ATRNL1: variants seen among roughly 807,000 people sequenced by gnomAD.
ATRNL1 encodes the protein attractin-like protein 1.
A neutral mutation model predicts 182.7 loss-of-function variants in ATRNL1; 95 were observed. The ratio of observed to expected loss-of-function variants is 0.52; its 90% CI spans 0.44 to 0.62. The LOEUF is 0.62. ATRNL1 is among the 20% of genes least tolerant of loss of function. The pLI is 0.00. For synonymous variants in ATRNL1, 576 were observed against 568.3 expected (o/e 1.01, Z -0.19); for missense variants, 1,471 against 1,679.5 (o/e 0.88, Z 2.17).
intron 21 of ATRNL1, among the ~76,000 whole-genome samples, chr10:115,454,890 C>A (rs1554968381): frequency 6.6e-6 from 1 of 151,992 alleles, no homozygotes; most frequent in Non-Finnish European, 1.5e-5. Context: ...GATACCTTTT[C>A]TTTTTCTTGC....
chr10:115,727,679 A>G (rs1477983245), intron 27 of ATRNL1, among the ~76,000 whole-genome samples: 1 of 152,176 alleles, frequency 6.6e-6, no homozygotes, highest in East Asian at 1.9e-4. Flanking sequence ...TCTTTGGAGT[A>G]CTCTGTGCAC....
intron 5 of ATRNL1, among the ~76,000 whole-genome samples, chr10:115,153,919 C>T (rs1434700949): frequency 6.6e-6 from 1 of 151,648 alleles, no homozygotes; most frequent in Non-Finnish European, 1.5e-5. Flanking sequence ...TGTCTTTGTT[C>T]TCATTGGTTT....
chr10:115,908,719 C>G lies in ATRNL1; in HGVS notation c.4019-35939C>G, dbSNP rs182870421. ...TTCTCAGGGCACCTAAGCTGCTGCC[C>G]AGCACACACTGTTAGTTATTCTCAG... On this transcript the variant is annotated intron_variant, in intron 28 of 28. Coordinates refer to ENST00000355044, the MANE Select transcript of ATRNL1 (RefSeq NM_207303.4). Among the ~76,000 whole-genome samples the G allele has an allele frequency of 7.2e-5, 11 of 152,292 alleles. No homozygotes were observed. In the East Asian group the frequency reaches 1.9e-3, roughly 27 times the overall value.
chr10:115,707,601 A>G (rs1376781225), intron 26 of ATRNL1, among the ~76,000 whole-genome samples: 1 of 151,658 alleles, frequency 6.6e-6, no homozygotes, highest in Non-Finnish European at 1.5e-5. Flanking sequence ...GCATTTACCT[A>G]TACATATATA....
intron 26 of ATRNL1, among the ~76,000 whole-genome samples, chr10:115,661,601 ATT>A (rs1565261019): frequency 6.6e-6 from 1 of 151,934 alleles, no homozygotes; most frequent in Non-Finnish European, 1.5e-5. Flanking sequence ...TTTTTTATTG[ATT>A]GATTATATTT....
intron 7 of ATRNL1, among the ~76,000 whole-genome samples, chr10:115,167,131 C>T (rs1387128778): frequency 6.6e-6 from 1 of 151,862 alleles, no homozygotes; most frequent in African/African-American, 2.4e-5. Flanking sequence ...GTTTCCCCAA[C>T]ATCGTTTGTT....
At chr10:115,199,393 C>A in intron 8 of ATRNL1, among the ~76,000 whole-genome samples, 1 of 151,822 alleles carries the variant, frequency 6.6e-6, no homozygotes, top group Admixed American at 6.6e-5. Context: ...GGTGAAACCC[C>A]ATCTCTACTA....
At chr10:115,534,953 T>G (rs1851871162) in intron 25 of ATRNL1, among the ~76,000 whole-genome samples, 1 of 152,246 alleles carries the variant, frequency 6.6e-6, no homozygotes, top group South Asian at 2.1e-4. Context: ...TATTCTGGCT[T>G]GTAGAGTTTC....
chr10:115,385,619 G>C (rs532068580), intron 19 of ATRNL1, among the ~76,000 whole-genome samples: 1 of 151,836 alleles, frequency 6.6e-6, no homozygotes, highest in Non-Finnish European at 1.5e-5. Context: ...TATCACGTAC[G>C]TGAAATCTTT....
intron 9 of ATRNL1, among the ~76,000 whole-genome samples, chr10:115,223,985 G>A (rs12781253): frequency 3.0e-5 from 4 of 135,518 alleles, no homozygotes; most frequent in African/African-American, 1.1e-4. Flanking sequence ...ACCCAGCCTG[G>A]AGTGCAGTGA....
At chr10:115,875,374 T>C (rs1489203991) in intron 28 of ATRNL1, among the ~76,000 whole-genome samples, 3 of 152,120 alleles carry the variant, frequency 2.0e-5, no homozygotes, top group African/African-American at 4.8e-5. Flanking sequence ...ATTGCCCAAT[T>C]TGGGGAGGCA....
chr10:115,094,949 C>T (rs916581971), intron 1 of ATRNL1, among the ~76,000 whole-genome samples: 2 of 152,220 alleles, frequency 1.3e-5, no homozygotes, highest in East Asian at 1.9e-4. Context: ...AGCTTTTGTG[C>T]GGGAACATCG....
At chr10:115,133,091 C>A (rs369340469) in intron 5 of ATRNL1, among the ~76,000 whole-genome samples, 1 of 152,154 alleles carries the variant, frequency 6.6e-6, no homozygotes, top group Non-Finnish European at 1.5e-5. Flanking sequence ...TTTAATTTAT[C>A]TTGAATTATT....
At chr10:115,480,207 A>AACACACACACACACACACAC (rs72119794) in intron 24 of ATRNL1, among the ~76,000 whole-genome samples, 69 of 146,750 alleles carry the variant, frequency 4.7e-4, no homozygotes, top group African/African-American at 1.6e-3. Context: ...GAGTCATTTG[A>AACACACACACACACACACAC]ACACACACAC....
chr10:115,847,861 G>A lies in ATRNL1; in HGVS notation c.3904-16G>A. 1.3e-6 allele frequency: 2 copies of A among 1,496,038 alleles called. No individual in the cohort carries two copies. Among genetic ancestry groups the A allele is most frequent in the Non-Finnish European group, 9.3e-7 (1 of 1,073,160 alleles). 92.7% of individuals were successfully genotyped at this position (1,496,038 alleles called of 1,614,324 possible). A position where few individuals can be genotyped will look rare whatever the true frequency, so the allele number is the denominator to read the frequency against. ...TATGTCAATTTTGCAAACTTAAAGTGGGTTTTCTTTTTCAGGGGGCACCCA... is the reference window on the plus strand; with the variant it reads ...TATGTCAATTTTGCAAACTTAAAGTAGGTTTTCTTTTTCAGGGGGCACCCA... On this transcript the variant is annotated splice_polypyrimidine_tract_variant and intron_variant, in intron 27 of 28. Transcript: ENST00000355044.
Position 115,822,568 on chromosome 10 carries a change from A to G in ATRNL1, c.3904-25309A>G, listed in dbSNP as rs575216920. ...TAAAGAAGAAAGGAGAGAAGAATCA[A>G]ACAGACACAATAAAAAATGATAAAG... On this transcript the variant is annotated intron_variant, in intron 27 of 28. Coordinates refer to ENST00000355044, the MANE Select transcript of ATRNL1 (RefSeq NM_207303.4). 3.4e-5 allele frequency among the ~76,000 whole-genome samples: 5 copies of G among 149,076 alleles called. No individual in the cohort carries two copies. The South Asian group carries it at 8.6e-4, about 25-fold the overall frequency.
At chr10:115,940,701 T>A (rs972714226) in intron 28 of ATRNL1, among the ~76,000 whole-genome samples, 4 of 101,196 alleles carry the variant, frequency 4.0e-5, no homozygotes, top group Non-Finnish European at 7.3e-5. Context: ...CTCTCTCTTC[T>A]CTCTCTCTCT....
At chr10:115,127,507 G>A (rs2143686297) in intron 3 of ATRNL1, 86 bp from the exon 4 acceptor site, 1 of 1,128,158 alleles carries the variant, frequency 8.9e-7, no homozygotes, top group South Asian at 1.6e-5. Flanking sequence ...TACTGATCCT[G>A]GTAAGAATAT....
rs1386048939 is a variant in ATRNL1 at position 115,344,665 on chromosome 10, C to T, written c.3175+10246C>T. On this transcript the variant is annotated intron_variant, in intron 19 of 28. Coordinates refer to ENST00000355044, the MANE Select transcript of ATRNL1 (RefSeq NM_207303.4). ...GTTCCTAAGGTACAAGGCAAAGTAC[C>T]ATTTACTTTTCCCTGTGCTTTTCTC... Among the ~76,000 whole-genome samples the T allele has an allele frequency of 5.3e-5, 8 of 152,284 alleles. No individual in the cohort carries two copies. The East Asian group carries it at 1.5e-3, about 29-fold the overall frequency.
Sources: gnomAD v4.1 joint callset for allele counts (sites outside exome capture counted in the v4.1 genomes callset) on GRCh38, gnomAD v4.1.1 for gene constraint, MANE v1.5 for transcripts, NCBI Gene and HGNC (gene_info 2026-07-23, HGNC 2026-07-21) for gene names.